CACNA1C: variants seen among roughly 807,000 people sequenced by gnomAD.
CACNA1C encodes the protein voltage-dependent L-type calcium channel subunit alpha-1C.
A neutral mutation model predicts 229.0 loss-of-function variants in CACNA1C; 30 were observed. The ratio of observed to expected loss-of-function variants is 0.13; its 90% CI spans 0.10 to 0.18. The LOEUF (loss-of-function observed/expected upper bound fraction) is 0.18. Ranked by LOEUF, CACNA1C falls within the 10% of genes least tolerant of loss-of-function variation. The probability of loss-of-function intolerance (pLI) is 1.00; values close to 1 mark genes in which losing one functional copy is unlikely to be tolerated. For missense variants in CACNA1C, 1,658 were observed against 2,845.0 expected (o/e 0.58, Z 9.49); for synonymous variants, 1,114 against 1,132.5 (o/e 0.98, Z 0.33).
At chr12:2,163,491 T>C (rs2096025154) in intron 3 of CACNA1C, among the ~76,000 whole-genome samples, 1 of 152,258 alleles carries the variant, frequency 6.6e-6, no homozygotes, top group South Asian at 2.1e-4. Flanking sequence ...ATTGATAGCC[T>C]AGGAACAAGA....
chr12:1,986,113 G>A (rs1002121376), intron 1 of CACNA1C, among the ~76,000 whole-genome samples: 11 of 152,144 alleles, frequency 7.2e-5, no homozygotes, highest in African/African-American at 1.4e-4. Flanking sequence ...GCGCCCAGCC[G>A]TCAGTTCTAT....
intron 3 of CACNA1C, among the ~76,000 whole-genome samples, chr12:2,411,028 C>A (rs1459363343): frequency 1.3e-5 from 2 of 152,114 alleles, no homozygotes; most frequent in Non-Finnish European, 2.9e-5. Context: ...TCCAGAGAGG[C>A]CAGTTCTGCC....
At position 2,348,692 on chromosome 12, in the gene CACNA1C, C is replaced by T. The variant is rs1460828301; in HGVS notation, c.478-100284C>T. Among the ~76,000 whole-genome samples, 1 of 151,872 alleles carries T rather than the reference C, an allele frequency of 6.6e-6. No individual in the cohort carries two copies. The highest frequency in any genetic ancestry group is 2.4e-5 in the African/African-American group (1 of 41,372). ...ACTTTAAGATTTCTCCCAGAGGGAC[C>T]CAGAGTGTGGGGCGCCCTGGAGAAG... On this transcript the variant is annotated intron_variant, in intron 3 of 46. Transcript: ENST00000399655. This position sits in a 1 kb window ranked among gnomAD's most constrained non-coding sequence, Gnocchi z 4.7.
At chr12:2,441,811 A>T (rs766794050) in intron 3 of CACNA1C, among the ~76,000 whole-genome samples, 1 of 152,150 alleles carries the variant, frequency 6.6e-6, no homozygotes, top group Non-Finnish European at 1.5e-5. Flanking sequence ...ACACTCTGTC[A>T]TATTGGCTCC....
intron 3 of CACNA1C, among the ~76,000 whole-genome samples, chr12:2,211,904 A>G (rs1474640546): frequency 6.6e-6 from 1 of 151,808 alleles, no homozygotes; most frequent in African/African-American, 2.4e-5. Flanking sequence ...TATTTTTAGT[A>G]GAGATGGGGT....
chr12:2,270,437 C>T (rs1367725577), intron 3 of CACNA1C, among the ~76,000 whole-genome samples: 1 of 152,210 alleles, frequency 6.6e-6, no homozygotes, highest in Non-Finnish European at 1.5e-5. Context: ...TTCCAGAATG[C>T]CGTACTCAGT....
chr12:2,023,475 G>A (rs1027013326), intron 1 of CACNA1C, among the ~76,000 whole-genome samples: 9 of 152,288 alleles, frequency 5.9e-5, no homozygotes, highest in Middle Eastern at 6.8e-3. Context: ...CAGGAACAAC[G>A]AGCCTCCAGG....
chr12:2,471,713 C>T (rs1352469610), intron 5 of CACNA1C, among the ~76,000 whole-genome samples: 5 of 151,826 alleles, frequency 3.3e-5, no homozygotes, highest in Middle Eastern at 3.2e-3. Flanking sequence ...GACGGAGTCT[C>T]GCTCTGTCGC....
intron 9 of CACNA1C, among the ~76,000 whole-genome samples, chr12:2,514,467 C>A (rs892496070): frequency 1.3e-5 from 2 of 152,152 alleles, no homozygotes; most frequent in Admixed American, 6.5e-5. Context: ...TGGATTATAA[C>A]AATGAGGGTC....
intron 3 of CACNA1C, among the ~76,000 whole-genome samples, chr12:2,184,764 C>T (rs539100206): frequency 1.4e-3 from 213 of 152,252 alleles, no homozygotes; most frequent in Non-Finnish European, 2.5e-3. Flanking sequence ...GCAAACAAGG[C>T]GCCGTGGAGA....
chr12:2,027,621 T>A (rs903348892), intron 1 of CACNA1C, among the ~76,000 whole-genome samples: 2 of 152,128 alleles, frequency 1.3e-5, no homozygotes, highest in East Asian at 3.9e-4. Context: ...GAGGAGAGAA[T>A]GGAATTGACT....
chr12:2,004,616 C>T, intron 1 of CACNA1C: 1 of 805,952 alleles, frequency 1.2e-6, no homozygotes, highest in Non-Finnish European at 1.9e-6. Context: ...TCGATGGCCG[C>T]GCCCCGCCCA....
intron 3 of CACNA1C, among the ~76,000 whole-genome samples, chr12:2,396,254 A>G (rs1016387657): frequency 1.3e-5 from 2 of 152,100 alleles, no homozygotes; most frequent in African/African-American, 2.4e-5. Context: ...TGAGTTGGGG[A>G]GCAACAGAAA....
intron 1 of CACNA1C, among the ~76,000 whole-genome samples, chr12:1,984,327 C>CT (rs2037024833): frequency 6.6e-6 from 1 of 151,746 alleles, no homozygotes; most frequent in African/African-American, 2.4e-5. Context: ...TTCTTGTCTT[C>CT]TTTTGGGTTA....
At chr12:2,352,089 T>A (rs1485989436) in intron 3 of CACNA1C, among the ~76,000 whole-genome samples, 1 of 152,188 alleles carries the variant, frequency 6.6e-6, no homozygotes, top group African/African-American at 2.4e-5. Flanking sequence ...GCCACAAAAA[T>A]TCCCTTTCTC....
chr12:2,003,018 T>G (rs1363338812), intron 1 of CACNA1C, among the ~76,000 whole-genome samples: 1 of 152,226 alleles, frequency 6.6e-6, no homozygotes, highest in Non-Finnish European at 1.5e-5. Context: ...AGAACGAATA[T>G]TAAAGAGCTC....
At chr12:1,985,689 C>T (rs2037489865) in intron 1 of CACNA1C, among the ~76,000 whole-genome samples, 1 of 152,164 alleles carries the variant, frequency 6.6e-6, no homozygotes, top group Non-Finnish European at 1.5e-5. Flanking sequence ...ACTCAGAGTC[C>T]TCTTGAAACC....
intron 3 of CACNA1C, among the ~76,000 whole-genome samples, chr12:2,398,455 G>A (rs990664874): frequency 5.9e-5 from 9 of 152,216 alleles, no homozygotes; most frequent in African/African-American, 1.2e-4. Context: ...GCTGGGTGGT[G>A]CTGAGTCGGG....
chr12:2,644,209 C>A (rs1047504900), intron 30 of CACNA1C, among the ~76,000 whole-genome samples: 2 of 152,222 alleles, frequency 1.3e-5, no homozygotes, highest in African/African-American at 2.4e-5. Flanking sequence ...GTCTCAATGG[C>A]AGCCATTGGA....
Sources: allele counts gnomAD v4.1 joint callset (sites outside exome capture counted in the v4.1 genomes callset), GRCh38; gene constraint gnomAD v4.1.1; non-coding constraint Gnocchi (gnomAD v3.1); transcripts MANE v1.5; gene names NCBI Gene and HGNC (gene_info 2026-07-23, HGNC 2026-07-21).